KIF4A: variants seen among roughly 807,000 people sequenced by gnomAD.
KIF4A encodes chromosome-associated kinesin KIF4A.
A neutral mutation model predicts 105.9 loss-of-function variants in KIF4A; 7 were observed. The observed-to-expected ratio is 0.07, with a 90% CI of 0.04 to 0.12. The LOEUF (loss-of-function observed/expected upper bound fraction) is 0.12. KIF4A is among the 10% of genes least tolerant of loss of function. KIF4A has a pLI of 1.00. For missense variants in KIF4A, 558 were observed against 929.2 expected, an observed-to-expected ratio of 0.60 and a Z score of 5.19; for synonymous variants, 281 against 331.3, an observed-to-expected ratio of 0.85 and a Z score of 1.65.
intron 7 of KIF4A, among the ~76,000 whole-genome samples, chrX:70,304,481 T>G (rs2085818142): frequency 9.3e-6 from 1 of 107,391 alleles, no homozygotes; most frequent in Non-Finnish European, 1.9e-5. Flanking sequence ...GGTCAAATGG[T>G]ATTTCTAGTT....
chrX:70,376,481 C>T (rs2086175486), intron 18 of KIF4A, among the ~76,000 whole-genome samples: 2 of 106,006 alleles, frequency 1.9e-5, no homozygotes, highest in African/African-American at 3.5e-5. Context: ...ATGGATTTCT[C>T]AAATACAAGG....
intron 3 of KIF4A, among the ~76,000 whole-genome samples, chrX:70,296,407 A>G (rs775765490): frequency 8.9e-6 from 1 of 111,911 alleles, no homozygotes; most frequent in Non-Finnish European, 1.9e-5. Context: ...ATTCTTTATC[A>G]ATTCTCAATA....
At chrX:70,360,909 A>C (rs912224138) in intron 15 of KIF4A, among the ~76,000 whole-genome samples, 2 of 112,832 alleles carry the variant, frequency 1.8e-5, no homozygotes, top group Admixed American at 1.9e-4. Flanking sequence ...ATGGAGGCCG[A>C]GTCCAGAAAG....
In KIF4A at chrX:70,314,716, A is replaced by G. The variant is rs775973928; in HGVS notation, c.778+12318A>G. ...ATTAAATAATATTAGTAAATACTAA[A>G]TATGAGCGAGGGGCACTCATATTTA... On this transcript the variant is annotated intron_variant, in intron 7 of 30. Coordinates refer to ENST00000374403, the MANE Select transcript of KIF4A (RefSeq NM_012310.5). Among the ~76,000 whole-genome samples, 3 of 111,535 alleles carry G rather than the reference A, an allele frequency of 2.7e-5. No homozygotes were observed. In the East Asian group the frequency reaches 8.4e-4, roughly 31 times the overall value.
intron 20 of KIF4A, among the ~76,000 whole-genome samples, chrX:70,392,065 T>TA (rs1199780967): frequency 4.0e-4 from 45 of 111,840 alleles, no homozygotes; most frequent in African/African-American, 1.5e-3. Flanking sequence ...CAGTAATACA[T>TA]AAAAAAACTT....
intron 4 of KIF4A, among the ~76,000 whole-genome samples, chrX:70,298,257 G>C (rs1453464053): frequency 1.8e-5 from 2 of 110,979 alleles, no homozygotes; most frequent in African/African-American, 3.3e-5. Context: ...TTTTGAGAAA[G>C]AGTCCCACTC....
chrX:70,391,309 G>A (rs1188523096), intron 20 of KIF4A, among the ~76,000 whole-genome samples: 2 of 111,595 alleles, frequency 1.8e-5, no homozygotes, highest in African/African-American at 6.5e-5. Context: ...GATTTTCTAT[G>A]TAGACTATCA....
chrX:70,294,942 C>T (rs959024541), intron 3 of KIF4A, among the ~76,000 whole-genome samples: 5 of 111,499 alleles, frequency 4.5e-5, no homozygotes, highest in East Asian at 2.8e-4. Context: ...GGCATAGTGG[C>T]GCGTGCCTGT....
At chrX:70,330,580 C>A (rs2085926347) in intron 9 of KIF4A, among the ~76,000 whole-genome samples, 1 of 111,475 alleles carries the variant, frequency 9.0e-6, no homozygotes, top group African/African-American at 3.3e-5. Flanking sequence ...TAGACAGGGG[C>A]TAAATTCTGA....
In KIF4A at chrX:70,302,058, A is replaced by T. The variant is rs1435076649; in HGVS notation, c.675A>T (p.Lys225Asn). 3.3e-6 allele frequency: 4 copies of T among 1,211,029 alleles called. No individual in the cohort carries two copies. Among genetic ancestry groups the T allele is most frequent in the Non-Finnish European group, 4.5e-6 (4 of 895,002 alleles). The change falls in exon 6 of 31, where the codon AAA becomes AAT. Residue 225 changes from lysine to asparagine, a missense_variant. Physicochemically the swap from Lys to Asn is moderately conservative, Grantham distance 94 (BLOSUM62 0). Transcript: ENST00000374403. Reference sequence around the variant, plus strand: ...CAATCTCCTTAGAGCAAAGAAAGAAAAGTGACAAGTAAGTTACAATTTAAA... The same window carrying T: ...CAATCTCCTTAGAGCAAAGAAAGAATAGTGACAAGTAAGTTACAATTTAAA... ...IFTISLEQRK[K>N]SDKNSSFRSK...
At chrX:70,410,513 A>C (rs1287795514) in intron 28 of KIF4A, among the ~76,000 whole-genome samples, 1 of 111,725 alleles carries the variant, frequency 9.0e-6, no homozygotes, top group South Asian at 3.8e-4. Context: ...TTCCTTACCT[A>C]TGCAATGCAG....
At chrX:70,300,706 G>T (rs951703322) in intron 5 of KIF4A, among the ~76,000 whole-genome samples, 2 of 111,453 alleles carry the variant, frequency 1.8e-5, no homozygotes, top group Non-Finnish European at 1.9e-5. Context: ...CTGAGTGAGG[G>T]ATTACTGTGG....
chrX:70,363,965 T>G (rs1331199062), intron 15 of KIF4A, among the ~76,000 whole-genome samples: 4 of 112,410 alleles, frequency 3.6e-5, no homozygotes, highest in Non-Finnish European at 7.5e-5. Context: ...CATTGTGGTT[T>G]TGATTTGCAT....
chrX:70,330,863 G>C, intron 9 of KIF4A, among the ~76,000 whole-genome samples: 1 of 112,156 alleles, frequency 8.9e-6, no homozygotes, highest in South Asian at 3.7e-4. Flanking sequence ...ACAAAACACA[G>C]ATCAAAAATA....
chrX:70,314,930 C>T (rs2085863904), intron 7 of KIF4A, among the ~76,000 whole-genome samples: 1 of 111,049 alleles, frequency 9.0e-6, no homozygotes, highest in Non-Finnish European at 1.9e-5. Flanking sequence ...AGAGCAGTGT[C>T]GGTCGAGTGG....
intron 3 of KIF4A, among the ~76,000 whole-genome samples, chrX:70,293,550 C>T (rs1452162373): frequency 1.8e-5 from 2 of 111,847 alleles, no homozygotes; most frequent in Non-Finnish European, 3.8e-5. Flanking sequence ...CATTATTAGG[C>T]GGTTTTGTCA....
intron 14 of KIF4A, among the ~76,000 whole-genome samples, chrX:70,352,894 A>G (rs180836142): frequency 8.9e-6 from 1 of 111,889 alleles, no homozygotes; most frequent in East Asian, 2.8e-4. Context: ...AATGTTCCAT[A>G]TTTGCAACCC....
chrX:70,362,564 C>T (rs1004021734), intron 15 of KIF4A, among the ~76,000 whole-genome samples: 5 of 112,056 alleles, frequency 4.5e-5, no homozygotes, highest in African/African-American at 1.6e-4. Flanking sequence ...CAGAGTCTTG[C>T]TCTGTCACCC....
At chrX:70,387,747 A>G (rs1199833298) in intron 20 of KIF4A, among the ~76,000 whole-genome samples, 1 of 111,578 alleles carries the variant, frequency 9.0e-6, no homozygotes, top group Non-Finnish European at 1.9e-5. Flanking sequence ...AGGTGCCTGT[A>G]ATCCCAGCTA....
Sources: gnomAD v4.1 joint callset for allele counts (sites outside exome capture counted in the v4.1 genomes callset) on GRCh38, gnomAD v4.1.1 for gene constraint, MANE v1.5 for transcripts, NCBI Gene and HGNC (gene_info 2026-07-23, HGNC 2026-07-21) for gene names.